The following WDR36 variants were observed in gnomAD, a reference collection of about 807,000 sequenced individuals.
WDR36 encodes the protein WD repeat domain 36.
Under a neutral mutation model 112.7 loss-of-function variants are expected in WDR36, and 63 were observed. The ratio of observed to expected loss-of-function variants is 0.56; its 90% CI spans 0.46 to 0.69. WDR36 has a LOEUF of 0.69. Among genes scored for constraint, WDR36 ranks in the 30% least tolerant of loss-of-function variants. The pLI, the probability that WDR36 is intolerant of heterozygous loss-of-function variation, is 0.00. For missense variants in WDR36, 1,226 were observed against 1,070.3 expected (o/e 1.15, Z -2.03); for synonymous variants, 410 against 362.2 (o/e 1.13, Z -1.50).
chr5:111,094,987 C>T (rs748344514), intron 2 of WDR36, 40 bp downstream of exon 2: 3 of 1,565,690 alleles, frequency 1.9e-6, no homozygotes, highest in Non-Finnish European at 2.6e-6. Flanking sequence ...CACATCTAAA[C>T]TTTTTTTTTA....
intron 11 of WDR36, 125 bp from the exon 12 acceptor site, chr5:111,107,169 T>A (rs186907013): frequency 9.1e-5 from 95 of 1,047,042 alleles, no homozygotes; most frequent in Non-Finnish European, 3.2e-5. Flanking sequence ...AACATATTGC[T>A]ATCAGATATT....
chr5:111,099,463 G>GTTTTTTTTTT lies in WDR36; in HGVS notation c.409+636_409+645dup, dbSNP rs67437234. On this transcript the variant is annotated intron_variant, in intron 4 of 22. Transcript: ENST00000513710. ...TTGGTTTTTTTTTGTTTTTTTTTTT[G>GTTTTTTTTTT]TTTTTTTTTTTTTTTTTTTTTCAGT... Among the ~76,000 whole-genome samples the GTTTTTTTTTT allele has an allele frequency of 2.5e-4, 21 of 84,952 alleles. 1 individual carries two copies. Among genetic ancestry groups the GTTTTTTTTTT allele is most frequent in the Middle Eastern group, 6.2e-3 (1 of 162 alleles). 55.7% of individuals were successfully genotyped at this position (84,952 alleles called of 152,430 possible). A position where few individuals can be genotyped will look rare whatever the true frequency, so the allele number is the denominator to read the frequency against.
Position 111,126,846 on chromosome 5 carries a change from T to C in WDR36, c.2651T>C (p.Met884Thr), listed in dbSNP as rs780498824. ...THLQSLFNQSMCILNYLKSAL... is the reference protein window; with the variant it reads ...THLQSLFNQSTCILNYLKSAL... The stretch of plus-strand genomic sequence containing the variant: ...TTGCAATCACTCTTCAATCAAAGCA[T>C]GTGTATTTTAAATTATCTCAAAAGT... Residue 884 changes from methionine (M) to threonine (T), a missense_variant, in exon 23 of 23, where the codon ATG (methionine) becomes ACG (threonine). Physicochemically the swap from Met to Thr is moderately conservative, Grantham distance 81 (BLOSUM62 -1). Transcript: ENST00000513710. 2.2e-5 allele frequency: 36 copies of C among 1,609,862 alleles called. No individual in the cohort carries two copies. The highest frequency in any genetic ancestry group is 3.1e-5 in the Non-Finnish European group (36 of 1,178,914).
At chr5:111,097,858 T>C (rs1753025016) in intron 3 of WDR36, among the ~76,000 whole-genome samples, 1 of 152,232 alleles carries the variant, frequency 6.6e-6, no homozygotes, top group African/African-American at 2.4e-5. Context: ...CCCACAGTCT[T>C]TCATCATCAC....
intron 17 of WDR36, 120 bp downstream of exon 17, chr5:111,119,240 T>G (rs1753518816): frequency 1.3e-6 from 1 of 794,122 alleles, no homozygotes; most frequent in Non-Finnish European, 2.2e-6. Flanking sequence ...TGTCACAAGT[T>G]AACACAGATA....
intron 20 of WDR36, 32 bp from the exon 21 acceptor site, chr5:111,124,076 A>G (rs1753625724): frequency 6.2e-7 from 1 of 1,607,586 alleles, no homozygotes; most frequent in African/African-American, 1.3e-5. Flanking sequence ...TACTTGAATT[A>G]TTTGAATAAT....
intron 3 of WDR36, among the ~76,000 whole-genome samples, chr5:111,097,410 G>A (rs1753016139): frequency 6.6e-6 from 1 of 152,100 alleles, no homozygotes; most frequent in African/African-American, 2.4e-5. Flanking sequence ...AAATTACTTG[G>A]AGACCTTCTT....
In WDR36 at chr5:111,129,979, T is replaced by G. The variant is rs1393780544; in HGVS notation, c.*3096T>G. The G allele has an allele frequency of 4.7e-6, 1 of 211,214 alleles. No individual in the cohort carries two copies. Among genetic ancestry groups the G allele is most frequent in the Non-Finnish European group, 9.6e-6 (1 of 104,262 alleles). The allele number at this position is 211,214 out of a possible 1,614,324, so 13.1% of individuals were successfully genotyped here. A position where few individuals can be genotyped will look rare whatever the true frequency, so the allele number is the denominator to read the frequency against. On this transcript the variant is annotated 3_prime_UTR_variant, in exon 23 of 23. Transcript: ENST00000513710. ...TTTGAAATGCTGTTTCATTATGTGTTAAATTCTTTCACTGAGCTCTTCCAT... is the reference window on the plus strand; with the variant it reads ...TTTGAAATGCTGTTTCATTATGTGTGAAATTCTTTCACTGAGCTCTTCCAT...
chr5:111,107,627 T>C (rs1753246287), intron 12 of WDR36, among the ~76,000 whole-genome samples, 188 bp downstream of exon 12: 1 of 151,422 alleles, frequency 6.6e-6, no homozygotes, highest in Non-Finnish European at 1.5e-5. Flanking sequence ...TTAGCTCTTA[T>C]ATTTAGATTT....
chr5:111,097,010 A>G (rs770228313), intron 2 of WDR36, 69 bp from the exon 3 acceptor site: 35 of 1,042,410 alleles, frequency 3.4e-5, no homozygotes, highest in Middle Eastern at 4.1e-4. Context: ...AAAATGTTAT[A>G]TGTATACTTG....
chr5:111,118,332 A>G (rs948249072), intron 16 of WDR36, among the ~76,000 whole-genome samples: 3 of 152,086 alleles, frequency 2.0e-5, no homozygotes, highest in African/African-American at 7.2e-5. Flanking sequence ...CCTCTCAAAC[A>G]TAAGTGTTCT....
chr5:111,113,267 T>C (rs1275893146), intron 16 of WDR36, 114 bp downstream of exon 16: 4 of 560,596 alleles, frequency 7.1e-6, no homozygotes, highest in African/African-American at 5.8e-5. Context: ...TGACTATATT[T>C]GGAGATTTTT....
rs1359071348 is a variant in WDR36, at chr5:111,111,217, A to C, written c.1655A>C (p.Asp552Ala). Residue 552 changes from aspartate (D) to alanine (A), a missense_variant, in exon 15 of 23, where the codon GAC becomes GCC. By Grantham distance (126) the Asp-to-Ala change is moderately radical. Coordinates refer to ENST00000513710, the MANE Select transcript of WDR36 (RefSeq NM_139281.3). ...ALDDFSISVL[D>A]IETRKIVREF... ...GATGACTTCTCCATTAGTGTTCTGG[A>C]CATAGAAACTAGGAAGATTGTCAGA... 1 of 1,611,936 alleles carries C rather than the reference A, an allele frequency of 6.2e-7. No individual in the cohort carries two copies. The highest frequency in any genetic ancestry group is 2.2e-5 in the East Asian group (1 of 44,808).
At chr5:111,103,719 C>T (rs996823981) in intron 6 of WDR36, 67 bp from the exon 7 acceptor site, 61 of 1,568,576 alleles carry the variant, frequency 3.9e-5, no homozygotes, top group Non-Finnish European at 5.0e-5. Context: ...AATAATGATG[C>T]GTATCATCAG....
chr5:111,124,577 A>G (rs1337777415), intron 21 of WDR36, among the ~76,000 whole-genome samples: 1 of 152,106 alleles, frequency 6.6e-6, no homozygotes, highest in Admixed American at 6.5e-5. Flanking sequence ...AATTCAGCGG[A>G]CTGCTTAGGT....
At chr5:111,099,463 G>GTT (rs67437234) in intron 4 of WDR36, among the ~76,000 whole-genome samples, 44 of 84,928 alleles carry the variant, frequency 5.2e-4, no homozygotes, top group Non-Finnish European at 8.2e-4. Flanking sequence ...TTTTTTTTTT[G>GTT]TTTTTTTTTT....
chr5:111,106,280 T>C (rs1335495244), intron 11 of WDR36, 137 bp downstream of exon 11: 4 of 771,324 alleles, frequency 5.2e-6, no homozygotes, highest in Non-Finnish European at 9.1e-6. Flanking sequence ...AGGTGCATGC[T>C]GGTCTTGTGT....
Position 111,129,349 on chromosome 5 carries a change from A to C in WDR36, c.*2466A>C, listed in dbSNP as rs1183357026. The C allele has an allele frequency of 1.0e-5, 2 of 193,068 alleles. No individual in the cohort carries two copies. Among genetic ancestry groups the C allele is most frequent in the Non-Finnish European group, 2.2e-5 (2 of 92,534 alleles). The allele number at this position is 193,068 out of a possible 1,614,324, so 12.0% of individuals were successfully genotyped here. ...TTCCAGAATGGCTGTATCAAGTTAC[A>C]GTTCCCCTGAGCAAGATATGAGCAT... On this transcript the variant is annotated 3_prime_UTR_variant, in exon 23 of 23. Transcript: ENST00000513710.
In WDR36 at chr5:111,111,213, C is replaced by G. The variant is rs764405043; in HGVS notation, c.1651C>G (p.Leu551Val). ...LALDDFSISV[L>V]DIETRKIVRE... ...CTTGGATGACTTCTCCATTAGTGTT[C>G]TGGACATAGAAACTAGGAAGATTGT... is the stretch of plus-strand genomic sequence containing the variant. The change falls in exon 15 of 23, where the codon CTG becomes GTG. Residue 551 changes from leucine to valine, a missense_variant. Transcript: ENST00000513710. 10 of 1,611,798 alleles carry G rather than the reference C, an allele frequency of 6.2e-6. No homozygotes were observed. In the East Asian group the frequency reaches 2.0e-4, roughly 32 times the overall value.
Sources: allele counts gnomAD v4.1 joint callset (sites outside exome capture counted in the v4.1 genomes callset), GRCh38; gene constraint gnomAD v4.1.1; transcripts MANE v1.5; gene names NCBI Gene and HGNC (gene_info 2026-07-23, HGNC 2026-07-21).